The following WDPCP variants were observed in gnomAD, a reference collection of about 807,000 sequenced individuals.
WDPCP encodes WD repeat-containing and planar cell polarity effector protein fritz homolog.
A neutral mutation model predicts 93.1 loss-of-function variants in WDPCP; 71 were observed. That is an observed-to-expected ratio of 0.76 (90% CI 0.63 to 0.93). The LOEUF (loss-of-function observed/expected upper bound fraction) is 0.93. Among genes scored for constraint, WDPCP ranks in the 40% least tolerant of loss-of-function variants. The pLI, the probability that WDPCP is intolerant of heterozygous loss-of-function variation, is 0.00. For synonymous variants in WDPCP, 315 were observed against 315.0 expected, an observed-to-expected ratio of 1.00 and a Z score of 0.00; for missense variants, 844 against 887.4, an observed-to-expected ratio of 0.95 and a Z score of 0.62.
intron 14 of WDPCP, among the ~76,000 whole-genome samples, chr2:63,185,613 A>G (rs945579920): frequency 6.6e-6 from 1 of 152,178 alleles, no homozygotes; most frequent in Non-Finnish European, 1.5e-5. Context: ...CCAGGGTTAT[A>G]GGTCACAAGG....
intron 14 of WDPCP, among the ~76,000 whole-genome samples, chr2:63,214,837 A>G (rs1221894586): frequency 1.3e-5 from 2 of 152,172 alleles, no homozygotes; most frequent in Non-Finnish European, 2.9e-5. Context: ...TAACAGACAA[A>G]CAGAGAGCCA....
At chr2:63,687,337 C>T (rs1668820139) in intron 2 of WDPCP, among the ~76,000 whole-genome samples, 1 of 152,166 alleles carries the variant, frequency 6.6e-6, no homozygotes, top group African/African-American at 2.4e-5. Flanking sequence ...AATGGTATCA[C>T]ATGAAGTTAA....
In WDPCP at chr2:63,546,367, G is replaced by A. The variant is rs542747147; in HGVS notation, c.75+41830C>T. 1.1e-3 allele frequency among the ~76,000 whole-genome samples: 164 copies of A among 152,304 alleles called. 1 individual carries two copies. In the Middle Eastern group the frequency reaches 0.017, roughly 16 times the overall value. On this transcript the variant is annotated intron_variant, in intron 1 of 17. Transcript: ENST00000272321. Reference sequence around the variant, plus strand: ...AAGACAGAGTCCAGGCCTGCTCAAGGTAGGGGATCTAATAGACAATCCAAT... The same window carrying A: ...AAGACAGAGTCCAGGCCTGCTCAAGATAGGGGATCTAATAGACAATCCAAT...
intron 1 of WDPCP, among the ~76,000 whole-genome samples, chr2:63,548,901 A>G (rs76251608): frequency 0.012 from 1,752 of 152,322 alleles, 33 homozygotes; most frequent in African/African-American, 0.04. Context: ...CCATGGGTGA[A>G]AGAAACATAC....
chr2:63,608,587 T>C (rs1164962597), intron 3 of WDPCP, among the ~76,000 whole-genome samples: 2 of 152,070 alleles, frequency 1.3e-5, no homozygotes, highest in East Asian at 1.9e-4. Context: ...GGCAGGAGGA[T>C]TGATTGAAGC....
intron 13 of WDPCP, among the ~76,000 whole-genome samples, chr2:63,306,487 C>A (rs1040794137): frequency 1.3e-5 from 2 of 152,102 alleles, no homozygotes; most frequent in Admixed American, 1.3e-4. Context: ...TGTAAAAATC[C>A]TCAATAAAAT....
At chr2:63,709,273 C>A (rs776012648) in intron 2 of WDPCP, among the ~76,000 whole-genome samples, 3 of 151,816 alleles carry the variant, frequency 2.0e-5, no homozygotes, top group Non-Finnish European at 4.4e-5. Flanking sequence ...CAAGATCTTG[C>A]CCCTGCACTC....
At chr2:63,351,720 G>A (rs1177781330) in intron 12 of WDPCP, among the ~76,000 whole-genome samples, 4 of 152,100 alleles carry the variant, frequency 2.6e-5, no homozygotes, top group Admixed American at 1.3e-4. Flanking sequence ...TGAATAGTGC[G>A]GTGATGAACA....
intron 2 of WDPCP, among the ~76,000 whole-genome samples, chr2:63,762,838 C>T (rs1040441225): frequency 4.6e-5 from 7 of 152,126 alleles, no homozygotes; most frequent in East Asian, 1.9e-4. Context: ...TGCCACATTG[C>T]GGATTAAGTT....
At chr2:63,541,833 T>A (rs1211140353) in intron 1 of WDPCP, among the ~76,000 whole-genome samples, 1 of 152,126 alleles carries the variant, frequency 6.6e-6, no homozygotes, top group African/African-American at 2.4e-5. Context: ...GCAATCCCAT[T>A]ACCTTAATGA....
At chr2:63,792,301 G>C (rs1475386062) in intron 2 of WDPCP, among the ~76,000 whole-genome samples, 2 of 152,178 alleles carry the variant, frequency 1.3e-5, no homozygotes, top group Admixed American at 6.6e-5. Flanking sequence ...GCAGGCGAGA[G>C]AGGGCATGTG....
At chr2:63,620,615 T>C (rs1350929043) in intron 3 of WDPCP, among the ~76,000 whole-genome samples, 1 of 152,176 alleles carries the variant, frequency 6.6e-6, no homozygotes, top group Admixed American at 6.5e-5. Context: ...ATTTAAACGT[T>C]CCTGTCTGCC....
At chr2:63,570,033 T>G (rs908843505) in intron 1 of WDPCP, among the ~76,000 whole-genome samples, 1 of 152,174 alleles carries the variant, frequency 6.6e-6, no homozygotes, top group Admixed American at 6.5e-5. Flanking sequence ...TCACCACTTA[T>G]CTCAATACTT....
intron 2 of WDPCP, among the ~76,000 whole-genome samples, chr2:63,720,574 C>T (rs1669402032): frequency 6.6e-6 from 1 of 152,150 alleles, no homozygotes; most frequent in Non-Finnish European, 1.5e-5. Context: ...CACTTACCCT[C>T]CCCATTGATT....
At chr2:63,753,943 G>T (rs1669918921) in intron 2 of WDPCP, among the ~76,000 whole-genome samples, 1 of 152,218 alleles carries the variant, frequency 6.6e-6, no homozygotes, top group African/African-American at 2.4e-5. Flanking sequence ...GGTGGATGTG[G>T]TTTATTGAGG....
chr2:63,631,600 G>C (rs978021795), intron 3 of WDPCP, among the ~76,000 whole-genome samples: 15 of 152,266 alleles, frequency 9.9e-5, no homozygotes, highest in Admixed American at 9.8e-4. Context: ...ATAGCCCTGA[G>C]AGGGCTCAAA....
At chr2:63,264,504 T>C (rs1292983238) in intron 13 of WDPCP, among the ~76,000 whole-genome samples, 2 of 152,192 alleles carry the variant, frequency 1.3e-5, no homozygotes, top group African/African-American at 2.4e-5. Context: ...CTTATAGTGA[T>C]AAAGGGTTCA....
chr2:63,450,069 C>A (rs1386053909), intron 6 of WDPCP, among the ~76,000 whole-genome samples: 7 of 152,186 alleles, frequency 4.6e-5, no homozygotes, highest in Admixed American at 3.9e-4. Context: ...AGCCCCAGAG[C>A]TCCCTATCTA....
chr2:63,651,724 TCAC>T (rs1433016993), intron 2 of WDPCP, among the ~76,000 whole-genome samples: 2 of 152,306 alleles, frequency 1.3e-5, no homozygotes, highest in East Asian at 3.9e-4. Context: ...TCGTAGATGT[TCAC>T]CACATCTACA....
Sources: allele counts gnomAD v4.1 joint callset (sites outside exome capture counted in the v4.1 genomes callset), GRCh38; gene constraint gnomAD v4.1.1; transcripts MANE v1.5; gene names NCBI Gene and HGNC (gene_info 2026-07-23, HGNC 2026-07-21).